The following TSHR variants were observed in gnomAD, a reference collection of about 807,000 sequenced individuals.
The protein encoded by TSHR is thyroid stimulating hormone receptor, also known as thyrotropin receptor.
TSHR carries 51 observed loss-of-function variants against 64.1 expected under a neutral mutation model. The ratio of observed to expected loss-of-function variants is 0.80; its 90% CI spans 0.64 to 1.01. The LOEUF (loss-of-function observed/expected upper bound fraction) is 1.01, where lower values mean the gene tolerates loss of function less well. Ranked by LOEUF, TSHR falls within the 50% of genes least tolerant of loss-of-function variation. The pLI, the probability that TSHR is intolerant of heterozygous loss-of-function variation, is 0.00. For missense variants in TSHR, 877 were observed against 942.8 expected (o/e 0.93, Z 0.91); for synonymous variants, 361 against 361.9 (o/e 1.00, Z 0.03).
intron 7 of TSHR, among the ~76,000 whole-genome samples, chr14:81,100,644 C>A (rs1889518877): frequency 6.6e-6 from 1 of 152,256 alleles, no homozygotes. Flanking sequence ...AGGGTTCCCC[C>A]AGTCCCCTCC....
At chr14:81,124,904 A>G (rs1890954835) in intron 8 of TSHR, among the ~76,000 whole-genome samples, 1 of 152,054 alleles carries the variant, frequency 6.6e-6, no homozygotes, top group South Asian at 2.1e-4. Context: ...ATTGTGTTCC[A>G]GGATAAAATT....
At chr14:81,069,828 T>C (rs1886930778) in intron 3 of TSHR, among the ~76,000 whole-genome samples, 1 of 151,998 alleles carries the variant, frequency 6.6e-6, no homozygotes, top group African/African-American at 2.4e-5. Flanking sequence ...AAATAGACAA[T>C]AGAAAATGAT....
chr14:81,067,772 A>G (rs1886740137), intron 2 of TSHR, among the ~76,000 whole-genome samples: 1 of 148,974 alleles, frequency 6.7e-6, no homozygotes, highest in Non-Finnish European at 1.5e-5. Context: ...CAAAAATAAA[A>G]TAAAATAAAA....
chr14:81,123,849 A>G (rs1890907664), intron 8 of TSHR, among the ~76,000 whole-genome samples: 1 of 152,174 alleles, frequency 6.6e-6, no homozygotes. Context: ...TTGATTTTTA[A>G]TCAAGATATG....
intron 8 of TSHR, among the ~76,000 whole-genome samples, chr14:81,121,135 T>A: frequency 6.7e-6 from 1 of 149,646 alleles, no homozygotes; most frequent in South Asian, 2.1e-4. Flanking sequence ...ATAAAGAAAA[T>A]GAATTTTCAG....
intron 1 of TSHR, among the ~76,000 whole-genome samples, chr14:81,024,566 C>A (rs1883948934): frequency 6.6e-6 from 1 of 151,982 alleles, no homozygotes; most frequent in Non-Finnish European, 1.5e-5. Flanking sequence ...TTTCTTATAG[C>A]AATTCTGCAC....
At chr14:81,000,683 T>C (rs1889263240) in intron 1 of TSHR, among the ~76,000 whole-genome samples, 1 of 152,170 alleles carries the variant, frequency 6.6e-6, no homozygotes, top group African/African-American at 2.4e-5. Context: ...CTCCTCCTAT[T>C]CTCTCTTCCT....
intron 8 of TSHR, among the ~76,000 whole-genome samples, chr14:81,116,007 C>T (rs5938049): frequency 0.24 from 36,032 of 151,808 alleles, 4,344 homozygotes; most frequent in East Asian, 0.3. Context: ...ACCAGGCCTG[C>T]CCTAAAGGAG....
chr14:81,132,677 A>G (rs1312734577), intron 8 of TSHR, among the ~76,000 whole-genome samples: 2 of 152,168 alleles, frequency 1.3e-5, no homozygotes, highest in Admixed American at 6.5e-5. Context: ...CTTGCTAGAG[A>G]CAAATTCTCA....
At chr14:81,114,332 C>T (rs1314178741) in intron 8 of TSHR, among the ~76,000 whole-genome samples, 5 of 152,238 alleles carry the variant, frequency 3.3e-5, no homozygotes, top group South Asian at 2.1e-4. Context: ...GCACTGTGCG[C>T]GAGCCAAAGC....
intron 8 of TSHR, among the ~76,000 whole-genome samples, chr14:81,114,202 C>A (rs183963997): frequency 6.6e-6 from 1 of 151,890 alleles, no homozygotes; most frequent in Non-Finnish European, 1.5e-5. Context: ...GGAACAGCTC[C>A]GGTCTACAGC....
chr14:81,114,767 C>G (rs1226858061), intron 8 of TSHR, among the ~76,000 whole-genome samples: 4 of 152,228 alleles, frequency 2.6e-5, no homozygotes, highest in Non-Finnish European at 4.4e-5. Context: ...CCTCCGCAGA[C>G]TTAAATGTCC....
At chr14:81,039,531 T>A (rs952709386) in intron 1 of TSHR, among the ~76,000 whole-genome samples, 1 of 151,792 alleles carries the variant, frequency 6.6e-6, no homozygotes, top group African/African-American at 2.4e-5. Flanking sequence ...ACTCAAACTG[T>A]CCCTGTTTTC....
chr14:81,090,048 CA>C (rs57476888), intron 4 of TSHR, among the ~76,000 whole-genome samples: 4,968 of 136,848 alleles, frequency 0.036, 273 homozygotes, highest in African/African-American at 0.12. Context: ...GCCAAATTCT[CA>C]AAAAAAAAAA....
At chr14:81,108,766 C>T in intron 8 of TSHR, 1 of 1,602,952 alleles carries the variant, frequency 6.2e-7, no homozygotes, top group Non-Finnish European at 8.5e-7. Context: ...TTTTGAAATG[C>T]AAGATCCACA....
intron 1 of TSHR, among the ~76,000 whole-genome samples, chr14:81,061,807 A>G (rs1886263924): frequency 6.6e-6 from 1 of 152,068 alleles, no homozygotes; most frequent in African/African-American, 2.4e-5. Context: ...TAAAATAATC[A>G]TGTTTTTTCA....
At chr14:81,083,440 T>C (rs1430937289) in intron 3 of TSHR, among the ~76,000 whole-genome samples, 1 of 151,260 alleles carries the variant, frequency 6.6e-6, no homozygotes, top group Middle Eastern at 3.2e-3. Context: ...TTTTTAGTTC[T>C]GCTGGATGAT....
At chr14:81,109,935 T>C (rs1890151892) in intron 8 of TSHR, among the ~76,000 whole-genome samples, 1 of 152,252 alleles carries the variant, frequency 6.6e-6, no homozygotes, top group South Asian at 2.1e-4. Context: ...ACCTGGAAGA[T>C]ATTTTTCAAT....
At chr14:81,059,258 G>A (rs1886050950) in intron 1 of TSHR, among the ~76,000 whole-genome samples, 1 of 152,086 alleles carries the variant, frequency 6.6e-6, no homozygotes. Flanking sequence ...TACCTTAGAA[G>A]AAAACTCCTT....
Sources: gnomAD v4.1 joint callset for allele counts (sites outside exome capture counted in the v4.1 genomes callset) on GRCh38, gnomAD v4.1.1 for gene constraint, MANE v1.5 for transcripts, NCBI Gene and HGNC (gene_info 2026-07-23, HGNC 2026-07-21) for gene names.